CD36: variants seen among roughly 807,000 people sequenced by gnomAD.
CD36 encodes CD36 molecule (CD36 blood group).
In CD36, 119 loss-of-function variants were observed where a neutral mutation model predicts 55.2. The ratio of observed to expected loss-of-function variants is 2.15; its 90% CI spans 1.86 to 2.51. The LOEUF (loss-of-function observed/expected upper bound fraction) is 2.51. Among genes scored for constraint, CD36 ranks in the 30% most tolerant of loss-of-function variants. The pLI is 0.00. For missense variants in CD36, 819 were observed against 555.5 expected (o/e 1.47, Z -4.77); for synonymous variants, 186 against 193.6 (o/e 0.96, Z 0.33).
chr7:80,673,025 T>A, intron 12 of CD36, 182 bp downstream of exon 12: 2 of 597,404 alleles, frequency 3.3e-6, no homozygotes, highest in Non-Finnish European at 3.0e-6. Context: ...TGGAATGGTT[T>A]TATGGTTTTA....
intron 1 of CD36, among the ~76,000 whole-genome samples, chr7:80,627,176 G>T (rs1202784160): frequency 6.6e-6 from 1 of 151,998 alleles, no homozygotes; most frequent in African/African-American, 2.4e-5. Context: ...ACAGGACAAT[G>T]CTACATTTGA....
chr7:80,670,010 C>T lies in CD36; in HGVS notation c.806C>T (p.Ser269Phe), dbSNP rs201376087. ...EKSQVLQFFSSDICRSIYAVF... is the reference protein window; with the variant it reads ...EKSQVLQFFSFDICRSIYAVF... ...AGCCAGGTATTGCAGTTCTTTTCTT[C>T]TGATATTTGCAGGTAAGACAGATAC... Residue 269 changes from serine (S) to phenylalanine (F), a missense_variant, in exon 9 of 15, where the codon TCT (serine) becomes TTT (phenylalanine). Transcript: ENST00000447544. 42 of 1,605,116 alleles carry T rather than the reference C, an allele frequency of 2.6e-5. No homozygotes were observed. The highest frequency in any genetic ancestry group is 3.3e-5 in the Non-Finnish European group (39 of 1,172,438).
chr7:80,623,546 T>C (rs964624112), intron 1 of CD36, among the ~76,000 whole-genome samples: 5 of 152,214 alleles, frequency 3.3e-5, no homozygotes, highest in African/African-American at 1.2e-4. Flanking sequence ...ATTTATTTGA[T>C]TTGTGTTGCA....
In CD36 at chr7:80,674,167, T is replaced by G. The variant is rs1275000516; in HGVS notation, c.*20T>G. The G allele has an allele frequency of 1.9e-6, 3 of 1,557,784 alleles. No homozygotes were observed. Among genetic ancestry groups the G allele is most frequent in the African/African-American group, 2.7e-5 (2 of 73,714 alleles). The stretch of plus-strand genomic sequence containing the variant: ...AAATAAGTAAGTATGTACCAAAAAA[T>G]ATTGCTTCAATAATATTAGCTTATA... On this transcript the variant is annotated intron_variant, in intron 14 of 14. Coordinates refer to ENST00000447544, the MANE Select transcript of CD36 (RefSeq NM_001001548.3).
At chr7:80,628,524 TCTC>T (rs1427975838) in intron 1 of CD36, among the ~76,000 whole-genome samples, 2 of 152,082 alleles carry the variant, frequency 1.3e-5, no homozygotes, top group Non-Finnish European at 1.5e-5. Context: ...ACACTTTTTT[TCTC>T]CTCCTTTAAG....
At chr7:80,670,336 GTGCTC>G (rs1217056862) in intron 9 of CD36, 15 of 374,204 alleles carry the variant, frequency 4.0e-5, no homozygotes, top group Middle Eastern at 8.8e-4. Flanking sequence ...CTGTGTTAAT[GTGCTC>G]TGCTCAGATT....
chr7:80,613,604 A>G lies in CD36; in HGVS notation c.-184+11225A>G, dbSNP rs1984112. 0.34 allele frequency among the ~76,000 whole-genome samples: 51,128 copies of G among 152,010 alleles called. 8,837 individuals are homozygous for G. Among genetic ancestry groups the G allele is most frequent in the South Asian group, 0.47 (2,242 of 4,816 alleles). ...TTTACTGAACAGGAAACTGTAGTTA[A>G]GAAGTAAAAATCACAGTGAAAAATT... On this transcript the variant is annotated intron_variant, in intron 1 of 13. Transcript: ENST00000309881.
chr7:80,673,882 A>C, intron 13 of CD36, 101 bp from the exon 14 acceptor site: 2 of 855,234 alleles, frequency 2.3e-6, no homozygotes, highest in Non-Finnish European at 3.9e-6. Context: ...CTGATGACTA[A>C]CACCAATAGA....
chr7:80,659,807 C>G (rs1290141078), intron 4 of CD36, among the ~76,000 whole-genome samples: 1 of 152,028 alleles, frequency 6.6e-6, no homozygotes, highest in African/African-American at 2.4e-5. Flanking sequence ...TACAATTGTC[C>G]TGAGTGCTGT....
chr7:80,632,697 A>G (rs74481713), intron 1 of CD36, among the ~76,000 whole-genome samples: 1,979 of 152,074 alleles, frequency 0.013, 42 homozygotes, highest in African/African-American at 0.045. Context: ...AATAAGAAAA[A>G]CCTAATATTT....
rs960128929 is a variant in CD36 at position 80,673,386 on chromosome 7, G to C, written c.1231G>C (p.Val411Leu). The C allele has an allele frequency of 6.4e-7, 1 of 1,568,866 alleles. No homozygotes were observed. The highest frequency in any genetic ancestry group is 8.8e-7 in the Non-Finnish European group (1 of 1,140,172). ...AAAGAATCTGAAGAGGAACTATATTGTGCCTATTCTTTGGCTTAATGAGGT... is the reference window on the plus strand; with the variant it reads ...AAAGAATCTGAAGAGGAACTATATTCTGCCTATTCTTTGGCTTAATGAGGT... ...VLKNLKRNYI[V>L]PILWLNETGT... Residue 411 changes from valine to leucine, a missense_variant, in exon 13 of 15, where the codon GTG becomes CTG. Coordinates refer to ENST00000447544, the MANE Select transcript of CD36 (RefSeq NM_001001548.3).
intron 8 of CD36, among the ~76,000 whole-genome samples, chr7:80,667,192 C>T (rs778399433): frequency 2.6e-4 from 40 of 152,026 alleles, no homozygotes; most frequent in Non-Finnish European, 2.2e-4. Flanking sequence ...CTTTGGGAGA[C>T]CAAGGCAGGT....
chr7:80,639,333 T>A (rs879649186), intron 1 of CD36, among the ~76,000 whole-genome samples: 1 of 152,002 alleles, frequency 6.6e-6, no homozygotes, highest in Non-Finnish European at 1.5e-5. Context: ...AAAGATATTG[T>A]CATTGTTACT....
At chr7:80,625,919 GAAT>G (rs1562777403) in intron 1 of CD36, among the ~76,000 whole-genome samples, 1 of 152,012 alleles carries the variant, frequency 6.6e-6, no homozygotes, top group African/African-American at 2.4e-5. Flanking sequence ...TTAGCACTGC[GAAT>G]AATCCAATAA....
chr7:80,605,880 T>C (rs1316242089), intron 1 of CD36, among the ~76,000 whole-genome samples: 2 of 152,126 alleles, frequency 1.3e-5, no homozygotes, highest in Non-Finnish European at 2.9e-5. Flanking sequence ...CAGAAAGGTA[T>C]GAGCTGTGAT....
chr7:80,667,754 T>G (rs13221438), intron 8 of CD36, among the ~76,000 whole-genome samples: 13 of 128,760 alleles, frequency 1.0e-4, no homozygotes, highest in South Asian at 5.0e-4. Flanking sequence ...TTTGTTTTTT[T>G]TTTTTTTTTT....
At chr7:80,610,898 G>T (rs1047621603) in intron 1 of CD36, among the ~76,000 whole-genome samples, 1 of 149,370 alleles carries the variant, frequency 6.7e-6, no homozygotes, top group African/African-American at 2.6e-5. Flanking sequence ...TTAGAGACAG[G>T]GTCTGCTCTC....
At chr7:80,640,719 C>A (rs1233380520) in intron 1 of CD36, among the ~76,000 whole-genome samples, 1 of 151,990 alleles carries the variant, frequency 6.6e-6, no homozygotes, top group African/African-American at 2.4e-5. Context: ...GGAATAATTT[C>A]AAACCTACAG....
At chr7:80,658,162 C>CA (rs1562803601) in intron 4 of CD36, among the ~76,000 whole-genome samples, 1 of 152,092 alleles carries the variant, frequency 6.6e-6, no homozygotes, top group Non-Finnish European at 1.5e-5. Context: ...TTTATGGGTA[C>CA]AAAAACATCT....
Sources: allele counts gnomAD v4.1 joint callset (sites outside exome capture counted in the v4.1 genomes callset), GRCh38; gene constraint gnomAD v4.1.1; transcripts MANE v1.5; gene names NCBI Gene and HGNC (gene_info 2026-07-23, HGNC 2026-07-21).